The following BNC2 variants were observed in gnomAD, a reference collection of about 807,000 sequenced individuals.
BNC2 encodes zinc finger protein basonuclin-2.
BNC2 carries 20 observed loss-of-function variants against 76.3 expected under a neutral mutation model. That is an observed-to-expected ratio of 0.26 (90% confidence interval 0.18 to 0.38). The LOEUF is 0.38. Among genes scored for constraint, BNC2 ranks in the 10% least tolerant of loss-of-function variants. The pLI is 1.00. For missense variants in BNC2, 1,382 were observed against 1,399.8 expected (o/e 0.99, Z 0.20); for synonymous variants, 582 against 514.8 (o/e 1.13, Z -1.77).
chr9:16,860,121 CAAA>C (rs34877213), intron 1 of BNC2, among the ~76,000 whole-genome samples: 2 of 135,732 alleles, frequency 1.5e-5, no homozygotes, highest in Admixed American at 7.5e-5. Context: ...GACTCCATCT[CAAA>C]AAAAAAAAAG....
intron 1 of BNC2, among the ~76,000 whole-genome samples, chr9:16,762,762 T>G (rs1341938937): frequency 1.3e-5 from 2 of 152,202 alleles, no homozygotes; most frequent in South Asian, 4.1e-4. Flanking sequence ...ACAGAACATA[T>G]TCTGAGATGA....
intron 4 of BNC2, chr9:16,580,050 T>C (rs1819588153): frequency 5.0e-6 from 2 of 398,278 alleles, no homozygotes; most frequent in East Asian, 3.6e-5. Context: ...CACTTCCTCA[T>C]TGCCCCACAC....
At chr9:16,706,007 C>T (rs564901215) in intron 3 of BNC2, among the ~76,000 whole-genome samples, 1 of 152,276 alleles carries the variant, frequency 6.6e-6, no homozygotes, top group Non-Finnish European at 1.5e-5. Context: ...TTCTGCCTTC[C>T]AAGCAACATA....
At chr9:16,673,902 A>AT in intron 3 of BNC2, among the ~76,000 whole-genome samples, 1 of 152,336 alleles carries the variant, frequency 6.6e-6, no homozygotes, top group East Asian at 1.9e-4. Flanking sequence ...TGACTGTTAT[A>AT]ATACCTTGCA....
intron 3 of BNC2, among the ~76,000 whole-genome samples, chr9:16,711,502 C>T (rs1361074): frequency 0.87 from 132,347 of 152,206 alleles, 57,945 homozygotes; most frequent in Non-Finnish European, 0.93. Context: ...CGAAGATAAA[C>T]ATACCTCTAA....
intron 1 of BNC2, among the ~76,000 whole-genome samples, chr9:16,793,642 C>G (rs1169110268): frequency 7.5e-6 from 1 of 133,462 alleles, no homozygotes; most frequent in Non-Finnish European, 1.6e-5. Flanking sequence ...TACTTGCCTT[C>G]CACATCTTTT....
At chr9:16,795,604 T>C (rs1431525143) in intron 1 of BNC2, among the ~76,000 whole-genome samples, 1 of 152,004 alleles carries the variant, frequency 6.6e-6, no homozygotes, top group Non-Finnish European at 1.5e-5. Context: ...TTAACCAACA[T>C]TCCCAGGCTG....
rs1409456489 is a variant in BNC2 at position 16,419,471 on chromosome 9, C to G, written c.2818G>C (p.Gly940Arg). Residue 940 changes from glycine to arginine, a missense_variant, in exon 7 of 7, where the codon GGG becomes CGG. Gly to Arg is a moderately radical substitution (Grantham distance 125). Coordinates refer to ENST00000380672, the MANE Select transcript of BNC2 (RefSeq NM_017637.6). ...DVREDASSPA[G>R]TEDSHLNGYG... The stretch of plus-strand genomic sequence containing the variant: ...CCGTTCAGGTGGGAGTCTTCAGTCC[C>G]TGCGGGAGAGGAGGCGTCTTCCCTG... 1 of 1,613,904 alleles carries G rather than the reference C, an allele frequency of 6.2e-7. No homozygotes were observed. Among genetic ancestry groups the G allele is most frequent in the Non-Finnish European group, 8.5e-7 (1 of 1,179,954 alleles).
intron 5 of BNC2, 134 bp downstream of exon 5, chr9:16,552,396 G>A (rs902600060): frequency 3.9e-6 from 3 of 769,396 alleles, no homozygotes; most frequent in African/African-American, 3.4e-5. Context: ...CCCCTTCCCT[G>A]ACAAGCCTGC....
At chr9:16,589,331 G>A (rs1006774543) in intron 3 of BNC2, among the ~76,000 whole-genome samples, 2 of 150,228 alleles carry the variant, frequency 1.3e-5, no homozygotes, top group African/African-American at 4.9e-5. Context: ...GACTACAGGT[G>A]CACACCACCA....
Position 16,794,657 on chromosome 9 carries a change from C to T in BNC2, c.4-56172G>A, listed in dbSNP as rs190206176. ...GAATGCAATGAACTATAATACTTTA[C>T]CCATTAGGTGAGTAAGAGCCAGTAA... On this transcript the variant is annotated intron_variant, in intron 1 of 6. Transcript: ENST00000380672. Among the ~76,000 whole-genome samples, 15 of 152,246 alleles carry T rather than the reference C, an allele frequency of 9.9e-5. No homozygotes were observed. The East Asian group carries it at 2.9e-3, about 29-fold the overall frequency.
intron 3 of BNC2, among the ~76,000 whole-genome samples, chr9:16,703,386 T>C (rs1173882283): frequency 1.3e-5 from 2 of 152,110 alleles, no homozygotes; most frequent in Non-Finnish European, 2.9e-5. Flanking sequence ...AAAAATCACA[T>C]TTTAAAATGT....
chr9:16,545,584 C>T (rs973079165), intron 5 of BNC2, among the ~76,000 whole-genome samples: 3 of 152,124 alleles, frequency 2.0e-5, no homozygotes, highest in African/African-American at 7.2e-5. Context: ...TCTGGTCCAA[C>T]TCTATAAAAA....
At chr9:16,586,765 A>T (rs968788502) in intron 3 of BNC2, among the ~76,000 whole-genome samples, 1 of 152,188 alleles carries the variant, frequency 6.6e-6, no homozygotes, top group Non-Finnish European at 1.5e-5. Context: ...AGTGGTGGGA[A>T]GTGGATGGCA....
intron 5 of BNC2, among the ~76,000 whole-genome samples, chr9:16,508,441 A>T (rs746802566): frequency 2.4e-4 from 36 of 152,164 alleles, no homozygotes; most frequent in Non-Finnish European, 4.4e-4. Flanking sequence ...AATGCTCAGT[A>T]AAAAAACATC....
intron 6 of BNC2, chr9:16,434,761 A>T: frequency 2.2e-6 from 1 of 449,654 alleles, no homozygotes; most frequent in Non-Finnish European, 4.5e-6. Context: ...CAAGAGTGTG[A>T]TGTCATCTGA....
At chr9:16,470,240 G>A (rs1435326058) in intron 5 of BNC2, among the ~76,000 whole-genome samples, 14 of 151,888 alleles carry the variant, frequency 9.2e-5, no homozygotes, top group Non-Finnish European at 1.3e-4. Context: ...CTCATGATCC[G>A]CCCACCTCGG....
intron 1 of BNC2, among the ~76,000 whole-genome samples, chr9:16,859,182 CA>C (rs56265005): frequency 0.97 from 143,549 of 147,748 alleles, 69,785 homozygotes; most frequent in East Asian, 0.99. Flanking sequence ...TGGTTACCAT[CA>C]AAAAAAAAAA....
chr9:16,695,471 C>T (rs1160835694), intron 3 of BNC2, among the ~76,000 whole-genome samples: 1 of 151,808 alleles, frequency 6.6e-6, no homozygotes, highest in Non-Finnish European at 1.5e-5. Context: ...GGGGAAAATA[C>T]CCACGTGCCC....
Sources: gnomAD v4.1 joint callset for allele counts (sites outside exome capture counted in the v4.1 genomes callset) on GRCh38, gnomAD v4.1.1 for gene constraint, MANE v1.5 for transcripts, NCBI Gene and HGNC (gene_info 2026-07-23, HGNC 2026-07-21) for gene names.